The following TNS1 variants were observed in gnomAD, a reference collection of about 807,000 sequenced individuals.
TNS1 encodes tensin-1.
Under a neutral mutation model 168.6 loss-of-function variants are expected in TNS1, and 62 were observed. That is an observed-to-expected ratio of 0.37 (90% confidence interval 0.30 to 0.45). TNS1 has a LOEUF of 0.45. Ranked by LOEUF, TNS1 falls within the 20% of genes least tolerant of loss-of-function variation. The probability of loss-of-function intolerance (pLI) is 1.00; values close to 1 mark genes in which losing one functional copy is unlikely to be tolerated. For synonymous variants in TNS1, 934 were observed against 933.2 expected (o/e 1.00, Z -0.02); for missense variants, 2,240 against 2,339.4 (o/e 0.96, Z 0.88).
chr2:217,877,987 G>T (rs1403010606), intron 18 of TNS1, among the ~76,000 whole-genome samples: 1 of 152,310 alleles, frequency 6.6e-6, no homozygotes, highest in South Asian at 2.1e-4. Context: ...AATAGAAGAG[G>T]TAGGCAGGGG....
intron 3 of TNS1, among the ~76,000 whole-genome samples, chr2:217,959,812 T>C (rs1210276472): frequency 4.8e-5 from 7 of 145,134 alleles, no homozygotes; most frequent in Non-Finnish European, 1.1e-4. Flanking sequence ...TGGACGCCTC[T>C]GTGGGTGGAG....
chr2:218,003,287 T>C (rs1386337770), upstream of TNS1, among the ~76,000 whole-genome samples: 1 of 142,820 alleles, frequency 7.0e-6, no homozygotes, highest in African/African-American at 2.7e-5. Flanking sequence ...GAGTCCTCCC[T>C]CCTCACTGCA....
At chr2:217,998,406 C>T (rs1958507104) in intron 1 of TNS1, among the ~76,000 whole-genome samples, 1 of 152,192 alleles carries the variant, frequency 6.6e-6, no homozygotes, top group South Asian at 2.1e-4. Context: ...AGTCTGAGGC[C>T]CCATCAGTGG....
chr2:217,845,780 C>T (rs1371578696), intron 19 of TNS1, among the ~76,000 whole-genome samples: 1 of 152,208 alleles, frequency 6.6e-6, no homozygotes, highest in African/African-American at 2.4e-5. Flanking sequence ...CTCCCAGGGC[C>T]ATTAGGGTTA....
intron 3 of TNS1, among the ~76,000 whole-genome samples, chr2:217,950,111 C>G (rs1957205430): frequency 6.6e-6 from 1 of 152,120 alleles, no homozygotes; most frequent in South Asian, 2.1e-4. Context: ...ACCCTATAAG[C>G]CAAAGAGCAT....
intron 18 of TNS1, chr2:217,850,467 G>A (rs990766480): frequency 3.0e-6 from 3 of 985,068 alleles, no homozygotes; most frequent in African/African-American, 3.5e-5. Flanking sequence ...GAAAAAGTGA[G>A]CGCTGGGTGG....
intron 21 of TNS1, among the ~76,000 whole-genome samples, chr2:217,831,942 A>AACACACACACACACAC (rs66652637): frequency 4.5e-4 from 66 of 146,288 alleles, no homozygotes; most frequent in African/African-American, 1.5e-3. Context: ...ACCCTCACCC[A>AACACACACACACACAC]ACACACACAC....
At chr2:217,899,328 T>A (rs1952677243) in intron 7 of TNS1, among the ~76,000 whole-genome samples, 1 of 152,146 alleles carries the variant, frequency 6.6e-6, no homozygotes, top group South Asian at 2.1e-4. Flanking sequence ...TATGGAAAGC[T>A]TCTCATTGCA....
At chr2:217,912,845 G>A (rs1954584486) in intron 4 of TNS1, among the ~76,000 whole-genome samples, 1 of 152,172 alleles carries the variant, frequency 6.6e-6, no homozygotes, top group Non-Finnish European at 1.5e-5. Flanking sequence ...GGCAGCAAAG[G>A]GAGAGAGCGC....
At chr2:218,010,671 G>GC (rs5838677), upstream of TNS1, among the ~76,000 whole-genome samples, 21,002 of 151,400 alleles carry the variant, frequency 0.14, 2,191 homozygotes, top group East Asian at 0.43. Flanking sequence ...CGAGGAAGGA[G>GC]CAGCAGCCGC....
Position 217,893,394 on chromosome 2 carries a change from G to GCA in TNS1, c.717+44_717+45insTG, listed in dbSNP as rs775260107. ...GGCACACACACATGTGCGCATGTGCGCGCGCGCACACACACACACACACAC... is the reference window on the plus strand; with the variant it reads ...GGCACACACACATGTGCGCATGTGCGCACGCGCGCACACACACACACACACAC... On this transcript the variant is annotated intron_variant, in intron 10 of 32. Coordinates refer to ENST00000682258, the MANE Select transcript of TNS1 (RefSeq NM_001387777.1). The GCA allele has an allele frequency of 4.8e-4, 728 of 1,510,430 alleles. 3 individuals carry two copies. The African/African-American group carries it at 9.1e-3, about 19-fold the overall frequency. 93.6% of individuals were successfully genotyped at this position (1,510,430 alleles called of 1,614,324 possible). A position where few individuals can be genotyped will look rare whatever the true frequency, so the allele number is the denominator to read the frequency against.
rs866136859 is a variant in TNS1, at chr2:217,813,409, T to C, written c.4862-102A>G. 3.9e-5 allele frequency: 42 copies of C among 1,069,594 alleles called. No homozygotes were observed. The Middle Eastern group carries it at 6.1e-4, about 15-fold the overall frequency. 66.3% of individuals were successfully genotyped at this position (1,069,594 alleles called of 1,614,324 possible). A position where few individuals can be genotyped will look rare whatever the true frequency, so the allele number is the denominator to read the frequency against. Reference sequence around the variant, plus strand: ...ACTTCCGCAGTGTGCGGGGCCAAGATGGGAGAAATGACTGAAGAGAGAACG... The same window carrying C: ...ACTTCCGCAGTGTGCGGGGCCAAGACGGGAGAAATGACTGAAGAGAGAACG... On this transcript the variant is annotated intron_variant, in intron 26 of 32. Transcript: ENST00000682258. The surrounding 1 kb of genome is among the most constrained non-coding windows in gnomAD (Gnocchi z 4.0).
At chr2:217,865,702 A>C (rs1409175895) in intron 18 of TNS1, among the ~76,000 whole-genome samples, 1 of 152,170 alleles carries the variant, frequency 6.6e-6, no homozygotes, top group Non-Finnish European at 1.5e-5. Context: ...GGGCACAGGG[A>C]GATAAATGGC....
chr2:217,944,424 G>C (rs1391145725), intron 3 of TNS1, among the ~76,000 whole-genome samples: 1 of 152,234 alleles, frequency 6.6e-6, no homozygotes. Flanking sequence ...CAGGTGCAGA[G>C]AAATGGCCAA....
intron 4 of TNS1, among the ~76,000 whole-genome samples, chr2:217,915,739 C>A (rs1228368961): frequency 6.6e-6 from 1 of 152,164 alleles, no homozygotes; most frequent in Non-Finnish European, 1.5e-5. Flanking sequence ...GACCAAGAAT[C>A]CACTCCTGAC....
chr2:217,961,691 G>A (rs546752125), intron 3 of TNS1, among the ~76,000 whole-genome samples: 7 of 152,202 alleles, frequency 4.6e-5, no homozygotes, highest in African/African-American at 1.7e-4. Flanking sequence ...AGCCCGGTGG[G>A]ACCCCCCCAT....
intron 3 of TNS1, among the ~76,000 whole-genome samples, chr2:217,949,703 A>G (rs1301094312): frequency 6.6e-6 from 1 of 152,134 alleles, no homozygotes; most frequent in African/African-American, 2.4e-5. Context: ...CTTAGGTTAC[A>G]ACTTAGAAGG....
At chr2:217,939,009 A>T (rs1323946981) in intron 3 of TNS1, among the ~76,000 whole-genome samples, 3 of 152,128 alleles carry the variant, frequency 2.0e-5, no homozygotes, top group Admixed American at 2.0e-4. Flanking sequence ...TGGAACAACA[A>T]GACAAGAGAG....
intron 22 of TNS1, among the ~76,000 whole-genome samples, chr2:217,829,280 G>A (rs1944057794): frequency 6.6e-6 from 1 of 152,186 alleles, no homozygotes; most frequent in Non-Finnish European, 1.5e-5. Flanking sequence ...AGCTACTCAG[G>A]GGGCTGAGGC....
Sources: gnomAD v4.1 joint callset for allele counts (sites outside exome capture counted in the v4.1 genomes callset) on GRCh38, gnomAD v4.1.1 for gene constraint, Gnocchi (gnomAD v3.1) non-coding constraint, MANE v1.5 for transcripts, NCBI Gene and HGNC (gene_info 2026-07-23, HGNC 2026-07-21) for gene names.